The following XRN2 variants were observed in gnomAD, a reference collection of about 807,000 sequenced individuals.
XRN2 encodes the protein 5'-3' exoribonuclease 2, also known as DHM1-like protein.
A neutral mutation model predicts 138.5 loss-of-function variants in XRN2; 44 were observed. That is an observed-to-expected ratio of 0.32 (90% confidence interval 0.25 to 0.41). XRN2 has a LOEUF of 0.41. Among genes scored for constraint, XRN2 ranks in the 10% least tolerant of loss-of-function variants. The pLI, the probability that XRN2 is intolerant of heterozygous loss-of-function variation, is 1.00. For missense variants in XRN2, 937 were observed against 1,169.3 expected (o/e 0.80, Z 2.90); for synonymous variants, 354 against 369.4 (o/e 0.96, Z 0.48).
intron 27 of XRN2, among the ~76,000 whole-genome samples, chr20:21,376,873 G>A (rs2038828597): frequency 6.6e-6 from 1 of 152,216 alleles, no homozygotes; most frequent in African/African-American, 2.4e-5. Flanking sequence ...AGAGGCATCT[G>A]TGCTAGGTAG....
intron 6 of XRN2, among the ~76,000 whole-genome samples, chr20:21,331,020 TA>T (rs1453604533): frequency 1.3e-5 from 2 of 152,198 alleles, no homozygotes; most frequent in African/African-American, 4.8e-5. Context: ...CATATCAATA[TA>T]CAGCAAAATT....
In XRN2 at chr20:21,333,927, T is replaced by C. The variant is rs1221323041; in HGVS notation, c.1068-10T>C. On this transcript the variant is annotated splice_polypyrimidine_tract_variant and intron_variant, in intron 11 of 29. Coordinates refer to ENST00000377191, the MANE Select transcript of XRN2 (RefSeq NM_012255.5). ...GGTCCTAATGCATAATGTTTGTCTCTTGCTGACAGGGAAAATGCAATTGAC... is the reference window on the plus strand; with the variant it reads ...GGTCCTAATGCATAATGTTTGTCTCCTGCTGACAGGGAAAATGCAATTGAC... 1.2e-6 allele frequency: 2 copies of C among 1,614,024 alleles called. No individual in the cohort carries two copies. Among genetic ancestry groups the C allele is most frequent in the East Asian group, 2.2e-5 (1 of 44,872 alleles).
At position 21,365,411 on chromosome 20, in the gene XRN2, T is replaced by C. The variant is rs767516360; in HGVS notation, c.2256-10T>C. 133 of 1,611,542 alleles carry C rather than the reference T, an allele frequency of 8.3e-5. No homozygotes were observed. The highest frequency in any genetic ancestry group is 2.0e-4 in the East Asian group (9 of 44,848). On this transcript the variant is annotated splice_polypyrimidine_tract_variant and intron_variant, in intron 24 of 29. Transcript: ENST00000377191. ...ATCAGATCATTGAATTGTTTCTTGT[T>C]CTTTTCCAGTATTAATTTTAAAGAC...
chr20:21,350,265 G>A (rs978797009), intron 20 of XRN2, among the ~76,000 whole-genome samples: 1 of 151,988 alleles, frequency 6.6e-6, no homozygotes, highest in South Asian at 2.1e-4. Flanking sequence ...AGTGGCTCGC[G>A]CCTGTAATCC....
At chr20:21,312,144 A>G (rs2037889747) in intron 1 of XRN2, among the ~76,000 whole-genome samples, 1 of 151,792 alleles carries the variant, frequency 6.6e-6, no homozygotes, top group Non-Finnish European at 1.5e-5. Flanking sequence ...GAGGAGTTTC[A>G]CTGTGTTGCC....
At chr20:21,303,785 C>T (rs2037774230) in intron 1 of XRN2, 6 of 1,127,164 alleles carry the variant, frequency 5.3e-6, no homozygotes, top group Non-Finnish European at 6.5e-6. Context: ...TGTTTCCTCT[C>T]CAGACCGCGC....
chr20:21,385,220 G>A (rs965000979), intron 28 of XRN2, among the ~76,000 whole-genome samples: 4 of 152,114 alleles, frequency 2.6e-5, no homozygotes, highest in Non-Finnish European at 5.9e-5. Flanking sequence ...ATTATTGTAA[G>A]ACTCAAAAGA....
chr20:21,344,815 TATAATA>T (rs1336580959), intron 16 of XRN2, among the ~76,000 whole-genome samples: 1 of 152,216 alleles, frequency 6.6e-6, no homozygotes, highest in Non-Finnish European at 1.5e-5. Context: ...GAGATCATTA[TATAATA>T]AGATTAACAA....
At chr20:21,331,944 G>A (rs2038215645) in intron 8 of XRN2, 126 bp downstream of exon 8, 4 of 1,004,466 alleles carry the variant, frequency 4.0e-6, no homozygotes, top group Non-Finnish European at 4.6e-6. Flanking sequence ...TTTTATGTTC[G>A]ACAGGGAACT....
chr20:21,340,961 T>C (rs527620244), intron 15 of XRN2, 109 bp downstream of exon 15: 2 of 1,245,258 alleles, frequency 1.6e-6, no homozygotes, highest in Non-Finnish European at 2.3e-6. Flanking sequence ...TGTTTTATAG[T>C]TTTTCTTAAT....
intron 1 of XRN2, among the ~76,000 whole-genome samples, chr20:21,304,804 T>A (rs2037792937): frequency 6.6e-6 from 1 of 152,222 alleles, no homozygotes. Flanking sequence ...CTCAATGCTT[T>A]CTAAGGTCGA....
intron 15 of XRN2, 105 bp downstream of exon 15, chr20:21,340,957 A>G (rs1209520987): frequency 1.5e-6 from 2 of 1,354,506 alleles, no homozygotes; most frequent in African/African-American, 1.5e-5. Context: ...GTTTTGTTTT[A>G]TAGTTTTTCT....
Position 21,355,162 on chromosome 20 carries a change from C to T in XRN2, c.2020+290C>T, listed in dbSNP as rs78208642. The stretch of plus-strand genomic sequence containing the variant: ...TTGATTCTTATATGACATGCACACA[C>T]GAAAGTATCTTTTGCCTGTTGGGAA... On this transcript the variant is annotated intron_variant, in intron 21 of 29. Transcript: ENST00000377191. Among the ~76,000 whole-genome samples, 865 of 152,238 alleles carry T rather than the reference C, an allele frequency of 5.7e-3. 9 individuals are homozygous for T. The highest frequency in any genetic ancestry group is 0.018 in the African/African-American group (740 of 41,528).
rs115958836 is a variant in XRN2, at chr20:21,355,674, C to T, written c.2021-406C>T. ...TTTTTTTCCCCATAGAGGCACATCA[C>T]GCATTTAGATCTATCACTATAATTA... On this transcript the variant is annotated intron_variant, in intron 21 of 29. Coordinates refer to ENST00000377191, the MANE Select transcript of XRN2 (RefSeq NM_012255.5). Among the ~76,000 whole-genome samples, 243 of 151,894 alleles carry T rather than the reference C, an allele frequency of 1.6e-3. 3 individuals are homozygous for T. The highest frequency in any genetic ancestry group is 5.5e-3 in the African/African-American group (229 of 41,434).
chr20:21,379,768 A>G (rs923248253), intron 27 of XRN2, among the ~76,000 whole-genome samples: 1 of 152,214 alleles, frequency 6.6e-6, no homozygotes, highest in Non-Finnish European at 1.5e-5. Flanking sequence ...TAAACTTTAC[A>G]TTCCAGTTCT....
chr20:21,341,628 A>C (rs2038373217), intron 15 of XRN2, among the ~76,000 whole-genome samples: 1 of 152,236 alleles, frequency 6.6e-6, no homozygotes, highest in Non-Finnish European at 1.5e-5. Flanking sequence ...ACAGACCCTG[A>C]TCTAACAGTA....
chr20:21,371,996 T>C (rs1036510667), intron 27 of XRN2, among the ~76,000 whole-genome samples: 1 of 152,276 alleles, frequency 6.6e-6, no homozygotes, highest in South Asian at 2.1e-4. Context: ...GTGGCTGTTA[T>C]TAGATTTAAT....
intron 1 of XRN2, among the ~76,000 whole-genome samples, chr20:21,313,778 A>G (rs766809852): frequency 6.6e-6 from 1 of 152,140 alleles, no homozygotes; most frequent in Admixed American, 6.5e-5. Context: ...CTTCCATTTC[A>G]TTGAGTACTA....
At chr20:21,368,945 G>A (rs982715683) in intron 27 of XRN2, among the ~76,000 whole-genome samples, 7 of 152,040 alleles carry the variant, frequency 4.6e-5, no homozygotes, top group African/African-American at 1.7e-4. Flanking sequence ...ATTTTGAAAT[G>A]TACAATTAAA....
Sources: gnomAD v4.1 joint callset for allele counts (sites outside exome capture counted in the v4.1 genomes callset) on GRCh38, gnomAD v4.1.1 for gene constraint, MANE v1.5 for transcripts, NCBI Gene and HGNC (gene_info 2026-07-23, HGNC 2026-07-21) for gene names.